ANKRD6: variants seen among roughly 807,000 people sequenced by gnomAD.
ANKRD6 encodes ankyrin repeat domain-containing protein 6.
In ANKRD6, 56 loss-of-function variants were observed where a neutral mutation model predicts 82.3. The observed-to-expected ratio is 0.68, with a 90% confidence interval of 0.55 to 0.85. The LOEUF is 0.85. Among genes scored for constraint, ANKRD6 ranks in the 40% least tolerant of loss-of-function variants. ANKRD6 has a pLI of 0.00. For missense variants in ANKRD6, 852 were observed against 907.6 expected (o/e 0.94, Z 0.79); for synonymous variants, 347 against 352.1 (o/e 0.99, Z 0.16).
At position 89,438,832 on chromosome 6, in the gene ANKRD6, A is replaced by G. The variant is rs540528995; in HGVS notation, c.-144+5457A>G. On this transcript the variant is annotated intron_variant, in intron 1 of 15. Coordinates refer to ENST00000339746, the MANE Select transcript of ANKRD6 (RefSeq NM_001242809.2). Reference sequence around the variant, plus strand: ...TAATTTTTGTATTTTTAGTAGAGTCAGTGTTTTGCCACATTGGCCAGTCTG... The same window carrying G: ...TAATTTTTGTATTTTTAGTAGAGTCGGTGTTTTGCCACATTGGCCAGTCTG... 2.0e-5 allele frequency among the ~76,000 whole-genome samples: 3 copies of G among 152,168 alleles called. No individual in the cohort carries two copies. In the South Asian group the frequency reaches 6.2e-4, roughly 32 times the overall value.
At chr6:89,475,949 G>A (rs962841934) in intron 1 of ANKRD6, among the ~76,000 whole-genome samples, 1 of 152,154 alleles carries the variant, frequency 6.6e-6, no homozygotes, top group Non-Finnish European at 1.5e-5. Flanking sequence ...TGGATTCTTG[G>A]TATGGCTATA....
At chr6:89,546,858 G>A (rs1270335816) in intron 1 of ANKRD6, among the ~76,000 whole-genome samples, 1 of 152,190 alleles carries the variant, frequency 6.6e-6, no homozygotes, top group Admixed American at 6.5e-5. Context: ...ACTGTGATTG[G>A]CGTTTTCCAA....
rs146272347 is a variant in ANKRD6 at position 89,533,799 on chromosome 6, C to T, written c.-143-33035C>T. On this transcript the variant is annotated intron_variant, in intron 1 of 15. Transcript: ENST00000339746. ...ATGCTTCTCCATGACCAGTGTACTC[C>T]CCTGAGAGCAACCCTCTCTGCCTGT... Among the ~76,000 whole-genome samples the T allele has an allele frequency of 1.4e-4, 21 of 150,412 alleles. No homozygotes were observed. The East Asian group carries it at 3.8e-3, about 27-fold the overall frequency.
At chr6:89,615,989 T>A (rs1160631417) in intron 7 of ANKRD6, among the ~76,000 whole-genome samples, 1 of 152,244 alleles carries the variant, frequency 6.6e-6, no homozygotes, top group Non-Finnish European at 1.5e-5. Flanking sequence ...TGGTTCTTGG[T>A]GTTTCCACCC....
chr6:89,441,331 T>G (rs1290810364), intron 1 of ANKRD6, among the ~76,000 whole-genome samples: 3 of 152,094 alleles, frequency 2.0e-5, no homozygotes, highest in African/African-American at 7.2e-5. Flanking sequence ...TTTTATATTT[T>G]TAGTACAGAC....
intron 1 of ANKRD6, among the ~76,000 whole-genome samples, chr6:89,550,871 G>A (rs1374384904): frequency 1.3e-5 from 2 of 152,054 alleles, no homozygotes; most frequent in Non-Finnish European, 2.9e-5. Context: ...CAGGAGAATC[G>A]CTTGAACTCA....
intron 1 of ANKRD6, among the ~76,000 whole-genome samples, chr6:89,477,391 A>G (rs75476932): frequency 0.017 from 2,557 of 152,208 alleles, 74 homozygotes; most frequent in African/African-American, 0.058. Context: ...TTCTCTTAAA[A>G]AAAAATTTGA....
At chr6:89,523,362 G>A (rs959218298) in intron 1 of ANKRD6, among the ~76,000 whole-genome samples, 1 of 152,220 alleles carries the variant, frequency 6.6e-6, no homozygotes, top group Non-Finnish European at 1.5e-5. Context: ...TCATGCAAAA[G>A]AACTAAAGAT....
chr6:89,569,592 T>C (rs1789320980), intron 2 of ANKRD6, among the ~76,000 whole-genome samples: 1 of 152,250 alleles, frequency 6.6e-6, no homozygotes, highest in African/African-American at 2.4e-5. Flanking sequence ...ATGTTTTCAG[T>C]TCTCTAGAGT....
At chr6:89,508,979 AG>A (rs1780203949) in intron 1 of ANKRD6, 1 of 152,376 alleles carries the variant, frequency 6.6e-6, no homozygotes, top group South Asian at 2.1e-4. Context: ...TGCTTCCAAA[AG>A]GTGTGTGGAG....
chr6:89,540,895 G>C (rs1241600434), intron 1 of ANKRD6, among the ~76,000 whole-genome samples: 1 of 152,130 alleles, frequency 6.6e-6, no homozygotes, highest in Non-Finnish European at 1.5e-5. Flanking sequence ...CTTTCCCCCA[G>C]TATATGTTTT....
At chr6:89,457,586 T>C (rs1773646371) in intron 1 of ANKRD6, among the ~76,000 whole-genome samples, 1 of 152,234 alleles carries the variant, frequency 6.6e-6, no homozygotes, top group Admixed American at 6.5e-5. Context: ...AATACATATA[T>C]TTATCTATTA....
chr6:89,471,842 G>A (rs969145652), intron 1 of ANKRD6, among the ~76,000 whole-genome samples: 1 of 150,812 alleles, frequency 6.6e-6, no homozygotes, highest in Non-Finnish European at 1.5e-5. Context: ...GGGAGGCCGA[G>A]GCAGGAGAAT....
At chr6:89,555,938 A>G (rs1435269460) in intron 1 of ANKRD6, among the ~76,000 whole-genome samples, 2 of 152,142 alleles carry the variant, frequency 1.3e-5, no homozygotes, top group African/African-American at 4.8e-5. Flanking sequence ...TGAGGCAGGG[A>G]GAGTAACGTG....
chr6:89,517,149 C>T (rs898544859), intron 1 of ANKRD6, among the ~76,000 whole-genome samples: 3 of 152,176 alleles, frequency 2.0e-5, no homozygotes, highest in Admixed American at 1.3e-4. Context: ...GTGTTACAGG[C>T]GTAAGCCACC....
intron 1 of ANKRD6, among the ~76,000 whole-genome samples, chr6:89,513,267 C>T (rs889529600): frequency 6.6e-6 from 1 of 151,972 alleles, no homozygotes; most frequent in Non-Finnish European, 1.5e-5. Flanking sequence ...GTGCACAAAC[C>T]GTAAAAATAC....
chr6:89,458,991 T>C (rs1773803137), intron 1 of ANKRD6, among the ~76,000 whole-genome samples: 1 of 152,152 alleles, frequency 6.6e-6, no homozygotes, highest in Admixed American at 6.5e-5. Context: ...TTGGGCAGTG[T>C]GGAGGGGTGT....
At chr6:89,548,233 T>C (rs569198605) in intron 1 of ANKRD6, among the ~76,000 whole-genome samples, 1 of 152,348 alleles carries the variant, frequency 6.6e-6, no homozygotes, top group African/African-American at 2.4e-5. Flanking sequence ...CTACTTTCCA[T>C]CTCTATGGAT....
chr6:89,537,901 GAAAA>G (rs1218467416), intron 1 of ANKRD6, among the ~76,000 whole-genome samples: 2 of 119,842 alleles, frequency 1.7e-5, no homozygotes, highest in African/African-American at 6.5e-5. Context: ...AAAAAAAAAA[GAAAA>G]GAAAAAAGGC....
Sources: gnomAD v4.1 joint callset for allele counts (sites outside exome capture counted in the v4.1 genomes callset) on GRCh38, gnomAD v4.1.1 for gene constraint, MANE v1.5 for transcripts, NCBI Gene and HGNC (gene_info 2026-07-23, HGNC 2026-07-21) for gene names.